Variants in PUDP observed in about 807,000 individuals in gnomAD.
PUDP encodes pseudouridine-5'-phosphatase.
Under a neutral mutation model 9.4 loss-of-function variants are expected in PUDP, and 8 were observed. That is an observed-to-expected ratio of 0.85 (90% confidence interval 0.50 to 1.53). The LOEUF (loss-of-function observed/expected upper bound fraction) is 1.53. Among genes scored for constraint, PUDP ranks in the 40% most tolerant of loss-of-function variants. The pLI is 0.00. For synonymous variants in PUDP, 99 were observed against 80.7 expected (o/e 1.23, Z -1.22); for missense variants, 188 against 189.7 (o/e 0.99, Z 0.05).
Position 6,786,395 on chromosome X carries a change from C to A in PUDP, c.*248-79929G>T, listed in dbSNP as rs1925647955. The stretch of plus-strand genomic sequence containing the variant: ...AGACCTGTCTTACACAGATTACAGC[C>A]CTCTGAGTGAAATTTTCAGCAGTTT... On this transcript the variant is annotated intron_variant and NMD_transcript_variant, in intron 3 of 3. Coordinates refer to the PUDP transcript ENST00000655425. Among the ~76,000 whole-genome samples the A allele has an allele frequency of 3.6e-5, 4 of 111,097 alleles. No homozygotes were observed. The Admixed American group carries it at 3.8e-4, about 11-fold the overall frequency.
intron 2 of PUDP, among the ~76,000 whole-genome samples, chrX:7,096,728 C>A (rs769205939): frequency 9.0e-6 from 1 of 111,000 alleles, no homozygotes; most frequent in Admixed American, 9.6e-5. Flanking sequence ...CCTAGCCACG[C>A]CAGAAGCTGA....
chrX:7,106,970 G>T (rs1440337978), intron 1 of PUDP, among the ~76,000 whole-genome samples: 3 of 112,010 alleles, frequency 2.7e-5, no homozygotes, highest in African/African-American at 9.8e-5. Context: ...AAGGCAGAAG[G>T]CTATCCCAAG....
chrX:6,755,264 T>A (rs1230359250), intron 3 of PUDP, among the ~76,000 whole-genome samples: 1 of 111,841 alleles, frequency 8.9e-6, no homozygotes, highest in Non-Finnish European at 1.9e-5. Context: ...CATAAGAACC[T>A]AGCCAATGGT....
chrX:6,916,917 A>G (rs1927944501), intron 3 of PUDP, among the ~76,000 whole-genome samples: 1 of 112,321 alleles, frequency 8.9e-6, no homozygotes, highest in Non-Finnish European at 1.9e-5. Context: ...GGTTTCAATT[A>G]ATAAAATTAT....
At chrX:6,947,209 C>T (rs1021505570) in intron 3 of PUDP, among the ~76,000 whole-genome samples, 1 of 109,993 alleles carries the variant, frequency 9.1e-6, no homozygotes, top group Non-Finnish European at 1.9e-5. Context: ...ACCATGTTGG[C>T]CAGGCTAGTC....
chrX:7,110,530 T>A (rs1349534555), intron 1 of PUDP, among the ~76,000 whole-genome samples: 1 of 111,462 alleles, frequency 9.0e-6, no homozygotes, highest in East Asian at 2.8e-4. Context: ...GCACATATGG[T>A]GATACGGTTT....
intron 1 of PUDP, among the ~76,000 whole-genome samples, chrX:7,020,028 G>C (rs1384682959): frequency 9.1e-6 from 1 of 110,414 alleles, no homozygotes; most frequent in Non-Finnish European, 1.9e-5. Context: ...GAATGAGAGA[G>C]AGAGAGAGAA....
intron 1 of PUDP, among the ~76,000 whole-genome samples, chrX:7,004,643 T>C (rs1929376997): frequency 8.9e-6 from 1 of 112,316 alleles, no homozygotes; most frequent in Admixed American, 9.4e-5. Flanking sequence ...TAATTCTCCA[T>C]TAAGCAGAAA....
At chrX:6,992,365 C>T (rs1045968682) in intron 1 of PUDP, among the ~76,000 whole-genome samples, 3 of 89,115 alleles carry the variant, frequency 3.4e-5, no homozygotes, top group African/African-American at 1.2e-4. Context: ...CTCCGCTTCC[C>T]GGGTTCACGC....
intron 3 of PUDP, among the ~76,000 whole-genome samples, chrX:6,863,420 G>A (rs933237822): frequency 3.6e-5 from 4 of 112,037 alleles, no homozygotes; most frequent in African/African-American, 6.5e-5. Context: ...GATAGTCTCC[G>A]GTGTGGACCA....
intron 3 of PUDP, among the ~76,000 whole-genome samples, chrX:6,906,869 C>T (rs1396333529): frequency 8.9e-6 from 1 of 111,829 alleles, no homozygotes; most frequent in Non-Finnish European, 1.9e-5. Flanking sequence ...GAAGACATGG[C>T]TGGAAATGGT....
chrX:6,963,017 G>T (rs1165236226), intron 3 of PUDP, among the ~76,000 whole-genome samples: 1 of 112,810 alleles, frequency 8.9e-6, no homozygotes, highest in Non-Finnish European at 1.9e-5. Flanking sequence ...TCAAATAGAT[G>T]CAATCAATTC....
chrX:6,858,068 C>T (rs934552209), intron 3 of PUDP, among the ~76,000 whole-genome samples: 4 of 111,425 alleles, frequency 3.6e-5, no homozygotes, highest in African/African-American at 1.3e-4. Context: ...TTTTCATCTG[C>T]CTGACCTCTG....
chrX:7,108,928 G>A (rs757762042), intron 1 of PUDP, among the ~76,000 whole-genome samples: 11 of 112,354 alleles, frequency 9.8e-5, no homozygotes, highest in Admixed American at 3.8e-4. Context: ...GGATACTGCA[G>A]ACTGTGAAGG....
At chrX:7,057,669 G>A (rs1930280412) in intron 3 of PUDP, 4 of 1,147,193 alleles carry the variant, frequency 3.5e-6, no homozygotes, top group African/African-American at 1.8e-5. Flanking sequence ...AGAAGGCTCG[G>A]GGTCTCCATG....
At chrX:7,000,528 C>G (rs570897813) in intron 1 of PUDP, among the ~76,000 whole-genome samples, 2 of 108,685 alleles carry the variant, frequency 1.8e-5, no homozygotes, top group South Asian at 7.7e-4. Context: ...TCAAATTATC[C>G]AAGGAAAGAC....
At chrX:6,774,195 C>G (rs760566690) in intron 3 of PUDP, among the ~76,000 whole-genome samples, 1 of 111,891 alleles carries the variant, frequency 8.9e-6, no homozygotes, top group South Asian at 3.8e-4. Flanking sequence ...CAGTGTTATC[C>G]CGTTCTGCAG....
intron 1 of PUDP, among the ~76,000 whole-genome samples, chrX:6,992,029 T>C (rs1282956632): frequency 9.0e-6 from 1 of 110,990 alleles, no homozygotes; most frequent in East Asian, 2.8e-4. Context: ...TGTTCCTGAG[T>C]TTGCCTAAAT....
At chrX:6,807,037 C>T (rs1004541305) in intron 3 of PUDP, among the ~76,000 whole-genome samples, 2 of 112,309 alleles carry the variant, frequency 1.8e-5, no homozygotes, top group Non-Finnish European at 3.8e-5. Flanking sequence ...AGGAAATGAG[C>T]CCTCTGAAAG....
Sources: allele counts gnomAD v4.1 joint callset (sites outside exome capture counted in the v4.1 genomes callset), GRCh38; gene constraint gnomAD v4.1.1; transcripts MANE v1.5; gene names NCBI Gene and HGNC (gene_info 2026-07-23, HGNC 2026-07-21).